Variants in ZHX2 observed in about 807,000 individuals in gnomAD.
ZHX2 encodes the protein zinc fingers and homeoboxes 2.
In ZHX2, 6 loss-of-function variants were observed where a neutral mutation model predicts 21.9. The ratio of observed to expected loss-of-function variants is 0.27; its 90% CI spans 0.15 to 0.54. The LOEUF (loss-of-function observed/expected upper bound fraction) is 0.54, where lower values mean the gene tolerates loss of function less well. Among genes scored for constraint, ZHX2 ranks in the 20% least tolerant of loss-of-function variants. The pLI, the probability that ZHX2 is intolerant of heterozygous loss-of-function variation, is 0.95. For missense variants in ZHX2, 908 were observed against 1,090.7 expected (o/e 0.83, Z 2.36); for synonymous variants, 434 against 437.1 (o/e 0.99, Z 0.09).
At chr8:122,922,887 G>A (rs1820771902) in intron 2 of ZHX2, among the ~76,000 whole-genome samples, 1 of 152,204 alleles carries the variant, frequency 6.6e-6, no homozygotes, top group Admixed American at 6.5e-5. Context: ...GTGTAATAGA[G>A]ATTCTTTTCC....
In ZHX2 at chr8:122,782,606, T is replaced by G. The variant is rs923180249; in HGVS notation, c.-283+660T>G. 2.0e-5 allele frequency among the ~76,000 whole-genome samples: 3 copies of G among 152,114 alleles called. No homozygotes were observed. The highest frequency in any genetic ancestry group is 7.2e-5 in the African/African-American group (3 of 41,442). On this transcript the variant is annotated intron_variant, in intron 1 of 3. Transcript: ENST00000314393. This position sits in a 1 kb window ranked among gnomAD's most constrained non-coding sequence, Gnocchi z 5.3. ...TGGGCCGAGGCTGCCTCTGCTCTCGTCGCTCCCGGCGGCTGCAGGCAGCGG... is the reference window on the plus strand; with the variant it reads ...TGGGCCGAGGCTGCCTCTGCTCTCGGCGCTCCCGGCGGCTGCAGGCAGCGG...
chr8:122,953,261 G>A lies in ZHX2; in HGVS notation c.1751G>A (p.Arg584Gln), dbSNP rs766810365. Reference protein sequence around the residue: ...DSWFSERRKLRDSMEQAVLDS... With the variant: ...DSWFSERRKLQDSMEQAVLDS... The stretch of plus-strand genomic sequence containing the variant: ...TGGTTCTCGGAGAGGCGGAAGCTTC[G>A]AGACAGCATGGAACAAGCTGTCTTG... The change falls in exon 3 of 4, where the codon CGA becomes CAA. Residue 584 changes from arginine to glutamine, a missense_variant. Transcript: ENST00000314393. The surrounding 1 kb of genome is among the most constrained non-coding windows in gnomAD (Gnocchi z 4.6). 44 of 1,613,970 alleles carry A rather than the reference G, an allele frequency of 2.7e-5. No individual in the cohort carries two copies. The highest frequency in any genetic ancestry group is 1.5e-4 in the Admixed American group (9 of 60,008).
rs116271389 is a variant in ZHX2, at chr8:122,909,496, C to A, written c.-219-41796C>A. ...GACAACTTTGTGAATACTCGTTGCT[C>A]TTTAATTTTTAGAGTTTGCATCCCT... On this transcript the variant is annotated intron_variant, in intron 2 of 3. Coordinates refer to ENST00000314393, the MANE Select transcript of ZHX2 (RefSeq NM_014943.5). Among the ~76,000 whole-genome samples, 475 of 152,068 alleles carry A rather than the reference C, an allele frequency of 3.1e-3. 6 individuals carry two copies. The highest frequency in any genetic ancestry group is 0.011 in the African/African-American group (460 of 41,480).
chr8:122,946,249 C>T (rs143969353), intron 2 of ZHX2, among the ~76,000 whole-genome samples: 76 of 152,244 alleles, frequency 5.0e-4, no homozygotes, highest in Middle Eastern at 3.4e-3. Context: ...TGGTGGTTCA[C>T]GGGCTTTCAA....
At chr8:122,946,296 C>T (rs74987997) in intron 2 of ZHX2, among the ~76,000 whole-genome samples, 2,938 of 152,168 alleles carry the variant, frequency 0.019, 48 homozygotes, top group Non-Finnish European at 0.032. Flanking sequence ...CCTTTAGACA[C>T]CCAATCCCTG....
chr8:122,785,008 C>G (rs1250365287), intron 1 of ZHX2, among the ~76,000 whole-genome samples: 1 of 152,252 alleles, frequency 6.6e-6, no homozygotes, highest in Non-Finnish European at 1.5e-5. Context: ...ACCCCCTGCC[C>G]TCTAGGAGTT....
chr8:122,890,052 T>A (rs1819939840), intron 2 of ZHX2, among the ~76,000 whole-genome samples: 1 of 152,204 alleles, frequency 6.6e-6, no homozygotes, highest in Non-Finnish European at 1.5e-5. Context: ...TCCTGAAACA[T>A]TTCTCCTCTG....
chr8:122,888,527 G>T lies in ZHX2; in HGVS notation c.-220+24988G>T, dbSNP rs193249623. On this transcript the variant is annotated intron_variant, in intron 2 of 3. Transcript: ENST00000314393. ...ATGGAGTTTCACTCCCATTGCCCAG[G>T]CTGGAGTGCAGTGGTGCGATCTTGG... Among the ~76,000 whole-genome samples the T allele has an allele frequency of 3.1e-3, 466 of 152,150 alleles. 2 individuals carry two copies. Among genetic ancestry groups the T allele is most frequent in the African/African-American group, 0.011 (437 of 41,506 alleles).
rs571539675 is a variant in ZHX2, at chr8:122,953,737, G to C, written c.2227G>C (p.Glu743Gln). Residue 743 changes from glutamate (E) to glutamine (Q), a missense_variant, in exon 3 of 4, where the codon GAG becomes CAG. Transcript: ENST00000314393. This position sits in a 1 kb window ranked among gnomAD's most constrained non-coding sequence, Gnocchi z 4.6. The stretch of plus-strand genomic sequence containing the variant: ...CAAAAAGCTCTGCGAAGAGGACTTG[G>C]AGAAGTTGGTGACCAGGGTAAAAGT... ...DPKKLCEEDL[E>Q]KLVTRVKVGS... 6 of 1,614,114 alleles carry C rather than the reference G, an allele frequency of 3.7e-6. No homozygotes were observed. In the African/African-American group the frequency reaches 8.0e-5, roughly 22 times the overall value.
intron 2 of ZHX2, among the ~76,000 whole-genome samples, chr8:122,879,136 T>C (rs550878584): frequency 2.0e-4 from 30 of 152,306 alleles, no homozygotes; most frequent in Admixed American, 1.3e-3. Flanking sequence ...TACTCAAGGA[T>C]TCCTGAAAGG....
chr8:122,937,785 G>T (rs1812738812), intron 2 of ZHX2, among the ~76,000 whole-genome samples: 1 of 151,682 alleles, frequency 6.6e-6, no homozygotes, highest in South Asian at 2.1e-4. Context: ...CACCATGTTG[G>T]CTAGGCCAGT....
At chr8:122,825,001 C>G (rs931233950) in intron 1 of ZHX2, among the ~76,000 whole-genome samples, 6 of 152,186 alleles carry the variant, frequency 3.9e-5, no homozygotes, top group Non-Finnish European at 7.4e-5. Flanking sequence ...CTGCCTGGCT[C>G]CTTCATTCAT....
intron 2 of ZHX2, among the ~76,000 whole-genome samples, chr8:122,943,569 G>T (rs1812898278): frequency 6.6e-6 from 1 of 152,322 alleles, no homozygotes; most frequent in South Asian, 2.1e-4. Flanking sequence ...AACCCCAATT[G>T]TTCAGCCATT....
intron 2 of ZHX2, among the ~76,000 whole-genome samples, chr8:122,864,257 G>T (rs1320049554): frequency 6.7e-6 from 1 of 148,658 alleles, no homozygotes; most frequent in Non-Finnish European, 1.5e-5. Flanking sequence ...AATGAAGGAA[G>T]CTTTTGAACT....
chr8:122,945,436 CAAAAAAAA>C (rs60890533), intron 2 of ZHX2, among the ~76,000 whole-genome samples: 44 of 73,672 alleles, frequency 6.0e-4, no homozygotes, highest in African/African-American at 1.8e-3. Flanking sequence ...CCTGTCTCTG[CAAAAAAAA>C]AAAAAAAAAA....
intron 2 of ZHX2, among the ~76,000 whole-genome samples, chr8:122,883,883 G>C (rs985019695): frequency 3.3e-5 from 5 of 152,228 alleles, no homozygotes; most frequent in African/African-American, 1.2e-4. Context: ...GTAGCTGGCA[G>C]ACATTTGAGA....
At chr8:122,903,611 T>C (rs13265939) in intron 2 of ZHX2, among the ~76,000 whole-genome samples, 84,065 of 151,948 alleles carry the variant, frequency 0.55, 23,524 homozygotes, top group South Asian at 0.67. Context: ...ACACAGAGGC[T>C]AGAACTCTGA....
At chr8:122,886,597 A>G (rs1248013198) in intron 2 of ZHX2, among the ~76,000 whole-genome samples, 1 of 152,218 alleles carries the variant, frequency 6.6e-6, no homozygotes, top group African/African-American at 2.4e-5. Context: ...ACCCCTCTGT[A>G]CTTCGTGTCT....
intron 1 of ZHX2, among the ~76,000 whole-genome samples, chr8:122,846,180 G>A (rs1818746483): frequency 6.6e-6 from 1 of 152,186 alleles, no homozygotes; most frequent in African/African-American, 2.4e-5. Flanking sequence ...TGGGTTGCTG[G>A]GTGGTTGATT....
Sources: gnomAD v4.1 joint callset for allele counts (sites outside exome capture counted in the v4.1 genomes callset) on GRCh38, gnomAD v4.1.1 for gene constraint, Gnocchi (gnomAD v3.1) non-coding constraint, MANE v1.5 for transcripts, NCBI Gene and HGNC (gene_info 2026-07-23, HGNC 2026-07-21) for gene names.